The following UQCR11 variants were observed in gnomAD, a reference collection of about 807,000 sequenced individuals.
UQCR11 encodes the protein cytochrome b-c1 complex subunit 10.
UQCR11 carries 10 observed loss-of-function variants against 7.6 expected under a neutral mutation model. That is an observed-to-expected ratio of 1.31 (90% CI 0.81 to 2.22). The LOEUF (loss-of-function observed/expected upper bound fraction) is 2.22, where lower values mean the gene tolerates loss of function less well. UQCR11 is among the 30% of genes most tolerant of loss of function. The pLI is 0.00. For synonymous variants in UQCR11, 34 were observed against 34.9 expected (o/e 0.97, Z 0.09); for missense variants, 86 against 75.1 (o/e 1.15, Z -0.54).
In UQCR11 at chr19:1,599,497, C is replaced by G. The variant is rs1194276030; in HGVS notation, c.114G>C (p.Trp38Cys). ...GAVGLVWATD[W>C]RLILDWVPYI... ...AAGGTACCCAGTCCAGGATCAGCCG[C>G]CAATCGGTGGCCCACACCAGCCCCA... is the stretch of plus-strand genomic sequence containing the variant. Residue 38 changes from tryptophan to cysteine, a missense_variant, in exon 2 of 3, where the codon TGG (tryptophan) becomes TGC (cysteine). Transcript: ENST00000591899. The G allele has an allele frequency of 9.3e-6, 15 of 1,613,596 alleles. 1 individual carries two copies. The highest frequency in any genetic ancestry group is 1.3e-5 in the Non-Finnish European group (15 of 1,180,022).
intron 1 of UQCR11, among the ~76,000 whole-genome samples, chr19:1,600,104 AAGGCCCAGCAGATTCTAG>A (rs1391184590): frequency 3.3e-4 from 35 of 105,514 alleles, no homozygotes; most frequent in Non-Finnish European, 7.8e-4. Flanking sequence ...AGATTCTAGG[AAGGCCCAGCAGATTCTAG>A]GAAGGCCCAG....
chr19:1,603,620 GAATA>G (rs991751086), intron 1 of UQCR11, among the ~76,000 whole-genome samples: 1 of 152,060 alleles, frequency 6.6e-6, no homozygotes, highest in South Asian at 2.1e-4. Flanking sequence ...ATAAATAAAT[GAATA>G]AATAAATAAA....
intron 1 of UQCR11, among the ~76,000 whole-genome samples, chr19:1,604,003 T>C (rs1304501731): frequency 6.6e-6 from 1 of 152,258 alleles, no homozygotes; most frequent in Non-Finnish European, 1.5e-5. Context: ...TGGAATGCAA[T>C]GGCACAATCT....
chr19:1,598,286 T>A (rs1331584650), intron 2 of UQCR11, 71 bp from the exon 3 acceptor site: 1 of 152,454 alleles, frequency 6.6e-6, no homozygotes, highest in Non-Finnish European at 1.5e-5. Context: ...GGCTCACGCC[T>A]CTAATCCCAG....
intron 1 of UQCR11, among the ~76,000 whole-genome samples, chr19:1,603,519 A>G (rs1051101791): frequency 2.6e-5 from 4 of 152,184 alleles, no homozygotes; most frequent in African/African-American, 9.7e-5. Flanking sequence ...AGGCAGGAGA[A>G]TGGCGTGAAC....
chr19:1,599,599 C>A (rs1232514301), intron 1 of UQCR11, 39 bp from the exon 2 acceptor site: 3 of 1,599,912 alleles, frequency 1.9e-6, no homozygotes, highest in Non-Finnish European at 2.5e-6. Flanking sequence ...TGCTCTGGAC[C>A]CTTTCTCCAA....
At chr19:1,599,074 C>T in intron 2 of UQCR11, 1 of 256,480 alleles carries the variant, frequency 3.9e-6, no homozygotes, top group South Asian at 4.3e-5. Context: ...GGCCAGCCTC[C>T]ACCTTCCCCC....
chr19:1,598,338 A>G (rs1254926144), intron 2 of UQCR11, 123 bp from the exon 3 acceptor site: 1 of 152,428 alleles, frequency 6.6e-6, no homozygotes, highest in Non-Finnish European at 1.5e-5. Context: ...TGAGGTCAGG[A>G]GTTTGAGACC....
In UQCR11 at chr19:1,603,714, C is replaced by T. The variant is rs577998380; in HGVS notation, c.50+1646G>A. The stretch of plus-strand genomic sequence containing the variant: ...GAACACAGAAGAAGCAGACCTGCTG[C>T]ACCCGGGAGGGGCTGCACTGGCTAC... On this transcript the variant is annotated intron_variant, in intron 1 of 2. Transcript: ENST00000591899. Among the ~76,000 whole-genome samples the T allele has an allele frequency of 8.5e-5, 13 of 152,346 alleles. No homozygotes were observed. The East Asian group carries it at 2.3e-3, about 27-fold the overall frequency.
intron 1 of UQCR11, among the ~76,000 whole-genome samples, chr19:1,600,502 C>T (rs1026295894): frequency 6.6e-6 from 1 of 152,034 alleles, no homozygotes; most frequent in Non-Finnish European, 1.5e-5. Flanking sequence ...CGTGAGCCAC[C>T]GCGCCCGGCC....
rs2060734012 is a variant in UQCR11 at position 1,597,306 on chromosome 19, G to T, written c.*938C>A. On this transcript the variant is annotated 3_prime_UTR_variant, in exon 3 of 3. Coordinates refer to ENST00000591899, the MANE Select transcript of UQCR11 (RefSeq NM_006830.4). ...CTTCCTCAGCCTCCCAAAGTGTTGG[G>T]ATTGTAGGCTGAGCCACCACTCCCA... 6.6e-6 allele frequency: 1 copy of T among 152,126 alleles called. No homozygotes were observed. The highest frequency in any genetic ancestry group is 1.5e-5 in the Non-Finnish European group (1 of 68,036). The allele number at this position is 152,126 out of a possible 1,614,324, so 9.4% of individuals were successfully genotyped here. A position where few individuals can be genotyped will look rare whatever the true frequency, so the allele number is the denominator to read the frequency against.
At chr19:1,600,296 C>A (rs1169867712) in intron 1 of UQCR11, among the ~76,000 whole-genome samples, 2 of 146,940 alleles carry the variant, frequency 1.4e-5, no homozygotes, top group Non-Finnish European at 3.0e-5. Flanking sequence ...TCACTGCAAT[C>A]TCCACCTCCC....
At chr19:1,600,181 C>T (rs943081023) in intron 1 of UQCR11, among the ~76,000 whole-genome samples, 6 of 151,746 alleles carry the variant, frequency 4.0e-5, no homozygotes, top group Admixed American at 2.6e-4. Context: ...TTTACGCCCT[C>T]GCACAGTATG....
chr19:1,599,289 T>C (rs2060740120), intron 2 of UQCR11, 123 bp downstream of exon 2: 2 of 1,333,354 alleles, frequency 1.5e-6, no homozygotes, highest in African/African-American at 1.5e-5. Context: ...CACTCTCGAA[T>C]GCAGGTCTCT....
chr19:1,601,658 C>T lies in UQCR11; in HGVS notation c.51-2098G>A, dbSNP rs538583789. 3.3e-5 allele frequency among the ~76,000 whole-genome samples: 5 copies of T among 151,414 alleles called. No homozygotes were observed. The South Asian group carries it at 6.3e-4, about 19-fold the overall frequency. On this transcript the variant is annotated intron_variant, in intron 1 of 2. Coordinates refer to ENST00000591899, the MANE Select transcript of UQCR11 (RefSeq NM_006830.4). ...TCCAGCCAACAACCCCGTGAGTGAT[C>T]GTGGAAACGGATCTGCCTGGTCACA...
At chr19:1,600,209 C>CTTT (rs751453784) in intron 1 of UQCR11, among the ~76,000 whole-genome samples, 6 of 121,342 alleles carry the variant, frequency 4.9e-5, no homozygotes, top group Admixed American at 8.8e-5. Flanking sequence ...GCACAGGCTT[C>CTTT]TTTTTTTTTT....
Position 1,599,683 on chromosome 19 carries a change from G to T in UQCR11, c.51-123C>A, listed in dbSNP as rs569311357. On this transcript the variant is annotated intron_variant, in intron 1 of 2. Coordinates refer to ENST00000591899, the MANE Select transcript of UQCR11 (RefSeq NM_006830.4). ...AGGTGCGGGCCTGGCACCTGTGCCC[G>T]CCCAGTGCTGTGAGCCCTGAGGGCT... 5 of 1,422,496 alleles carry T rather than the reference G, an allele frequency of 3.5e-6. No individual in the cohort carries two copies. The Admixed American group carries it at 7.3e-5, about 21-fold the overall frequency. The allele number at this position is 1,422,496 out of a possible 1,614,324, so 88.1% of individuals were successfully genotyped here. A position where few individuals can be genotyped will look rare whatever the true frequency, so the allele number is the denominator to read the frequency against.
chr19:1,599,561 C>G lies in UQCR11; in HGVS notation c.51-1G>C, dbSNP rs1314496837. The G allele has an allele frequency of 6.2e-7, 1 of 1,608,628 alleles. No individual in the cohort carries two copies. The highest frequency in any genetic ancestry group is 1.1e-5 in the South Asian group (1 of 91,068). Reference sequence around the variant, plus strand: ...GCCCCATGTGTAGGCCGTCGGGACCCTGCGAGAGGAGAGGGGATGGTCAGG... The same window carrying G: ...GCCCCATGTGTAGGCCGTCGGGACCGTGCGAGAGGAGAGGGGATGGTCAGG... On this transcript the variant is annotated splice_acceptor_variant, in intron 1 of 2. Coordinates refer to ENST00000591899, the MANE Select transcript of UQCR11 (RefSeq NM_006830.4). LOFTEE classifies it high-confidence loss of function.
intron 1 of UQCR11, among the ~76,000 whole-genome samples, chr19:1,602,938 C>T (rs953107934): frequency 5.9e-5 from 9 of 152,222 alleles, no homozygotes; most frequent in Admixed American, 5.2e-4. Flanking sequence ...CACTGACCAA[C>T]GACCTCGTCG....
Sources: gnomAD v4.1 joint callset for allele counts (sites outside exome capture counted in the v4.1 genomes callset) on GRCh38, gnomAD v4.1.1 for gene constraint, MANE v1.5 for transcripts, NCBI Gene and HGNC (gene_info 2026-07-23, HGNC 2026-07-21) for gene names.